The following TNKS variants were observed in gnomAD, a reference collection of about 807,000 sequenced individuals.
TNKS encodes tankyrase, also known as poly [ADP-ribose] polymerase tankyrase-1.
TNKS carries 72 observed loss-of-function variants against 135.8 expected under a neutral mutation model. The observed-to-expected ratio is 0.53, with a 90% CI of 0.44 to 0.64. The LOEUF is 0.64. Ranked by LOEUF, TNKS falls within the 30% of genes least tolerant of loss-of-function variation. The pLI, the probability that TNKS is intolerant of heterozygous loss-of-function variation, is 0.00. For synonymous variants in TNKS, 849 were observed against 649.3 expected (o/e 1.31, Z -4.68); for missense variants, 1,769 against 1,674.0 (o/e 1.06, Z -0.99).
intron 3 of TNKS, among the ~76,000 whole-genome samples, chr8:9,616,008 G>C (rs1356055492): frequency 1.3e-5 from 2 of 152,086 alleles, no homozygotes; most frequent in Non-Finnish European, 2.9e-5. Context: ...GAGCAAGCAA[G>C]GGCATTTATA....
intron 3 of TNKS, among the ~76,000 whole-genome samples, chr8:9,674,675 T>A (rs1327904825): frequency 6.6e-6 from 1 of 152,082 alleles, no homozygotes; most frequent in African/African-American, 2.4e-5. Context: ...TAATTGTAAG[T>A]GTTGAGGGGA....
chr8:9,604,629 G>T (rs1476806291), intron 2 of TNKS, among the ~76,000 whole-genome samples: 1 of 151,730 alleles, frequency 6.6e-6, no homozygotes, highest in Non-Finnish European at 1.5e-5. Flanking sequence ...TAATTTATGT[G>T]TGAAAAACTT....
chr8:9,620,276 A>G (rs1354809913), intron 3 of TNKS, among the ~76,000 whole-genome samples: 1 of 152,018 alleles, frequency 6.6e-6, no homozygotes, highest in Non-Finnish European at 1.5e-5. Flanking sequence ...CACACTTTGT[A>G]TCCAACCTAT....
intron 6 of TNKS, among the ~76,000 whole-genome samples, chr8:9,705,859 T>A (rs965424139): frequency 6.6e-6 from 1 of 152,234 alleles, no homozygotes; most frequent in African/African-American, 2.4e-5. Context: ...GTGGAATATT[T>A]CAGTTCACTA....
chr8:9,677,015 G>T (rs1390011496), intron 3 of TNKS, among the ~76,000 whole-genome samples: 1 of 152,162 alleles, frequency 6.6e-6, no homozygotes, highest in Non-Finnish European at 1.5e-5. Flanking sequence ...TCTCAGCTAA[G>T]ATGAAAGAGA....
rs71516520 is a variant in TNKS, at chr8:9,578,310, G to A, written c.674-1849G>A. 5.9e-5 allele frequency among the ~76,000 whole-genome samples: 9 copies of A among 152,300 alleles called. No individual in the cohort carries two copies. In the South Asian group the frequency reaches 8.3e-4, roughly 14 times the overall value. On this transcript the variant is annotated intron_variant, in intron 1 of 26. Coordinates refer to ENST00000310430, the MANE Select transcript of TNKS (RefSeq NM_003747.3). Reference sequence around the variant, plus strand: ...CATTGATGGTAGAGGGAAGGAAGTCGAAGTTAGAGAATTAAAGAAAACCTA... The same window carrying A: ...CATTGATGGTAGAGGGAAGGAAGTCAAAGTTAGAGAATTAAAGAAAACCTA...
chr8:9,590,571 A>G (rs1191490711), intron 2 of TNKS, among the ~76,000 whole-genome samples: 1 of 152,184 alleles, frequency 6.6e-6, no homozygotes, highest in East Asian at 1.9e-4. Flanking sequence ...TTTGCACCAC[A>G]TCCCTGGCAT....
intron 18 of TNKS, among the ~76,000 whole-genome samples, 196 bp from the exon 19 acceptor site, chr8:9,751,413 G>GT (rs772750632): frequency 1.3e-5 from 2 of 152,012 alleles, no homozygotes; most frequent in Non-Finnish European, 2.9e-5. Flanking sequence ...AAATTACATA[G>GT]TTTCTCCAAT....
intron 18 of TNKS, among the ~76,000 whole-genome samples, chr8:9,749,269 T>TA (rs1806392997): frequency 6.6e-6 from 1 of 152,020 alleles, no homozygotes; most frequent in African/African-American, 2.4e-5. Context: ...ACATTCAAAT[T>TA]ACACTCACCT....
chr8:9,765,820 T>A (rs1170245687), intron 24 of TNKS, 23 bp downstream of exon 24: 1 of 1,599,422 alleles, frequency 6.3e-7, no homozygotes, highest in Non-Finnish European at 8.6e-7. Context: ...GCAGGGACGG[T>A]GGACGTCTCC....
rs71201959 is a variant in TNKS, at chr8:9,649,878, C to CTTTTTTTTT, written c.995-30052_995-30044dup. ...CACAGTTCTTTCTTTCTTTTCTTTT[C>CTTTTTTTTT]TTTTTTTTTTTTTTTTTTTTTTTTT... On this transcript the variant is annotated intron_variant, in intron 3 of 26. Coordinates refer to ENST00000310430, the MANE Select transcript of TNKS (RefSeq NM_003747.3). Among the ~76,000 whole-genome samples, 35 of 83,366 alleles carry CTTTTTTTTT rather than the reference C, an allele frequency of 4.2e-4. 1 individual carries two copies. Among genetic ancestry groups the CTTTTTTTTT allele is most frequent in the African/African-American group, 1.8e-3 (34 of 18,782 alleles). The allele number at this position is 83,366 out of a possible 152,430, so 54.7% of individuals were successfully genotyped here. A position where few individuals can be genotyped will look rare whatever the true frequency, so the allele number is the denominator to read the frequency against.
rs577283767 is a variant in TNKS at position 9,721,064 on chromosome 8, G to A, written c.1921+519G>A. ...TGGGATGCCGAGGCAGGCAGATCACGAGGACAGGAGATCGAGACCATCTTG... is the reference window on the plus strand; with the variant it reads ...TGGGATGCCGAGGCAGGCAGATCACAAGGACAGGAGATCGAGACCATCTTG... On this transcript the variant is annotated intron_variant, in intron 12 of 26. Transcript: ENST00000310430. 1.2e-4 allele frequency among the ~76,000 whole-genome samples: 18 copies of A among 151,946 alleles called. 1 individual carries two copies. The South Asian group carries it at 3.5e-3, about 30-fold the overall frequency.
intron 26 of TNKS, 116 bp from the exon 27 acceptor site, chr8:9,776,533 CT>C: frequency 1.2e-6 from 1 of 845,910 alleles, no homozygotes; most frequent in East Asian, 2.5e-5. Context: ...TATTAAGAAA[CT>C]GAGTCTATAT....
chr8:9,566,297 T>C (rs1468969564), intron 1 of TNKS: 1 of 152,196 alleles, frequency 6.6e-6, no homozygotes, highest in African/African-American at 2.4e-5. Context: ...ACTTTTTGGA[T>C]AAATTTTTGA....
intron 2 of TNKS, among the ~76,000 whole-genome samples, chr8:9,606,712 C>A (rs1182489183): frequency 4.0e-5 from 6 of 150,852 alleles, no homozygotes; most frequent in Non-Finnish European, 7.4e-5. Context: ...TTTTTCTTGA[C>A]CAGATCACAT....
At chr8:9,664,172 G>A (rs764149791) in intron 3 of TNKS, among the ~76,000 whole-genome samples, 6 of 152,188 alleles carry the variant, frequency 3.9e-5, no homozygotes, top group Non-Finnish European at 7.3e-5. Flanking sequence ...TTTGCAGGCT[G>A]TACAAGAAGC....
intron 8 of TNKS, among the ~76,000 whole-genome samples, chr8:9,707,748 G>C (rs567911097): frequency 4.6e-5 from 7 of 152,064 alleles, no homozygotes; most frequent in Non-Finnish European, 8.8e-5. Flanking sequence ...AAAATAATAA[G>C]CTATTAATTG....
intron 3 of TNKS, among the ~76,000 whole-genome samples, chr8:9,678,830 A>C (rs1054984601): frequency 6.6e-6 from 1 of 152,176 alleles, no homozygotes; most frequent in South Asian, 2.1e-4. Context: ...CATTTAGTCT[A>C]ATGTTTTATT....
At chr8:9,757,111 G>C (rs1806876185) in intron 20 of TNKS, among the ~76,000 whole-genome samples, 1 of 152,080 alleles carries the variant, frequency 6.6e-6, no homozygotes, top group African/African-American at 2.4e-5. Context: ...TGAGTAGCTG[G>C]GATTACAGGC....
Sources: gnomAD v4.1 joint callset for allele counts (sites outside exome capture counted in the v4.1 genomes callset) on GRCh38, gnomAD v4.1.1 for gene constraint, MANE v1.5 for transcripts, NCBI Gene and HGNC (gene_info 2026-07-23, HGNC 2026-07-21) for gene names.